Variants in SLC1A1 observed in about 807,000 individuals in gnomAD.
The protein encoded by SLC1A1 is excitatory amino acid transporter 3.
Under a neutral mutation model 53.3 loss-of-function variants are expected in SLC1A1, and 43 were observed. The ratio of observed to expected loss-of-function variants is 0.81; its 90% CI spans 0.63 to 1.04. The LOEUF is 1.04. Among genes scored for constraint, SLC1A1 ranks in the 50% least tolerant of loss-of-function variants. SLC1A1 has a pLI of 0.00. For synonymous variants in SLC1A1, 307 were observed against 243.2 expected (o/e 1.26, Z -2.44); for missense variants, 748 against 664.9 (o/e 1.12, Z -1.37).
chr9:4,498,452 A>T (rs78075514), intron 1 of SLC1A1, among the ~76,000 whole-genome samples: 1,960 of 152,260 alleles, frequency 0.013, 33 homozygotes, highest in African/African-American at 0.043. Flanking sequence ...ATAAAATAAT[A>T]GTTTCTTCAA....
chr9:4,507,142 G>C (rs560195634), intron 1 of SLC1A1, among the ~76,000 whole-genome samples: 1 of 152,258 alleles, frequency 6.6e-6, no homozygotes, highest in East Asian at 1.9e-4. Flanking sequence ...GTTGAGGCAG[G>C]AGAATGGCGT....
chr9:4,497,907 T>C (rs1820493272), intron 1 of SLC1A1, among the ~76,000 whole-genome samples: 1 of 152,248 alleles, frequency 6.6e-6, no homozygotes, highest in Non-Finnish European at 1.5e-5. Context: ...GCAAAGAAGA[T>C]TCTATTCATG....
At chr9:4,514,884 A>G (rs1821112657) in intron 1 of SLC1A1, among the ~76,000 whole-genome samples, 1 of 152,162 alleles carries the variant, frequency 6.6e-6, no homozygotes, top group African/African-American at 2.4e-5. Flanking sequence ...ACAGTGTCAG[A>G]GGCCATCACT....
Position 4,566,029 on chromosome 9 carries a change from C to T in SLC1A1, c.441-18C>T. 6.2e-7 allele frequency: 1 copy of T among 1,605,664 alleles called. No homozygotes were observed. The highest frequency in any genetic ancestry group is 1.1e-5 in the South Asian group (1 of 90,908). On this transcript the variant is annotated intron_variant, in intron 4 of 11. Coordinates refer to ENST00000262352, the MANE Select transcript of SLC1A1 (RefSeq NM_004170.6). Reference sequence around the variant, plus strand: ...ACTTTTTGCCCTAACATAATACTGCCTTTTATGTCTCCAACAGGAATATGT... The same window carrying T: ...ACTTTTTGCCCTAACATAATACTGCTTTTTATGTCTCCAACAGGAATATGT...
chr9:4,518,773 G>T (rs975830833), intron 1 of SLC1A1, among the ~76,000 whole-genome samples: 2 of 152,330 alleles, frequency 1.3e-5, no homozygotes, highest in Middle Eastern at 3.4e-3. Context: ...TCCACTCCCT[G>T]AGGGGAGAGG....
intron 1 of SLC1A1, among the ~76,000 whole-genome samples, chr9:4,500,159 G>A (rs1378212066): frequency 2.0e-5 from 3 of 152,162 alleles, no homozygotes; most frequent in Non-Finnish European, 4.4e-5. Flanking sequence ...CAAATTTCCC[G>A]TGTCGCTGGA....
At chr9:4,569,194 T>C (rs557624573) in intron 6 of SLC1A1, among the ~76,000 whole-genome samples, 3 of 152,320 alleles carry the variant, frequency 2.0e-5, no homozygotes, top group African/African-American at 7.2e-5. Flanking sequence ...AGGCCCACAA[T>C]TCCTAGTCTG....
At chr9:4,524,644 CTT>C (rs1295916874) in intron 1 of SLC1A1, among the ~76,000 whole-genome samples, 1 of 152,174 alleles carries the variant, frequency 6.6e-6, no homozygotes, top group African/African-American at 2.4e-5. Flanking sequence ...CTGGTGAAGA[CTT>C]TCGAGCTGCA....
At chr9:4,565,223 A>G (rs942677773) in intron 4 of SLC1A1, among the ~76,000 whole-genome samples, 5 of 152,234 alleles carry the variant, frequency 3.3e-5, no homozygotes, top group African/African-American at 1.2e-4. Flanking sequence ...TATAGAAACC[A>G]TACCTTCTTT....
chr9:4,494,072 T>C (rs1820327790), intron 1 of SLC1A1, among the ~76,000 whole-genome samples: 1 of 152,234 alleles, frequency 6.6e-6, no homozygotes, highest in African/African-American at 2.4e-5. Flanking sequence ...TATCTTGGAT[T>C]TTCACAGGAA....
At chr9:4,575,652 G>A (rs553901840) in intron 8 of SLC1A1, among the ~76,000 whole-genome samples, 6 of 152,286 alleles carry the variant, frequency 3.9e-5, no homozygotes, top group Non-Finnish European at 5.9e-5. Context: ...AGTCTTAAGA[G>A]GAGAAGAACT....
chr9:4,583,196 C>A lies in SLC1A1; in HGVS notation c.1328+24C>A. 1 of 1,614,150 alleles carries A rather than the reference C, an allele frequency of 6.2e-7. No homozygotes were observed. The highest frequency in any genetic ancestry group is 1.3e-5 in the African/African-American group (1 of 75,054). ...CTGTGAGTTGGAATAAATGCACTGC[C>A]TTAGCTGGATGTGCAGGCGGGCTTC... On this transcript the variant is annotated intron_variant, in intron 11 of 11. Coordinates refer to ENST00000262352, the MANE Select transcript of SLC1A1 (RefSeq NM_004170.6). This position sits in a 1 kb window ranked among gnomAD's most constrained non-coding sequence, Gnocchi z 4.6.
At chr9:4,500,100 G>A (rs535353554) in intron 1 of SLC1A1, among the ~76,000 whole-genome samples, 2 of 152,242 alleles carry the variant, frequency 1.3e-5, no homozygotes, top group Non-Finnish European at 2.9e-5. Context: ...TAGGGAGTCC[G>A]TGACACACTG....
intron 3 of SLC1A1, among the ~76,000 whole-genome samples, chr9:4,563,548 G>A (rs183172131): frequency 6.6e-6 from 1 of 152,128 alleles, no homozygotes; most frequent in Non-Finnish European, 1.5e-5. Flanking sequence ...CTACCCCCTG[G>A]ATTACCATTG....
In SLC1A1 at chr9:4,490,784, C is replaced by T; in HGVS notation, c.91+14C>T. ...CGGTGGTGCTAGGTGAGCGGCGCGGCGGGTGGGCGATGCGCGCACCCTCAC... is the reference window on the plus strand; with the variant it reads ...CGGTGGTGCTAGGTGAGCGGCGCGGTGGGTGGGCGATGCGCGCACCCTCAC... On this transcript the variant is annotated intron_variant, in intron 1 of 11. Coordinates refer to ENST00000262352, the MANE Select transcript of SLC1A1 (RefSeq NM_004170.6). 1 of 1,605,896 alleles carries T rather than the reference C, an allele frequency of 6.2e-7. No homozygotes were observed. The highest frequency in any genetic ancestry group is 1.1e-5 in the South Asian group (1 of 90,704).
At chr9:4,496,457 C>T (rs1226599116) in intron 1 of SLC1A1, among the ~76,000 whole-genome samples, 1 of 152,046 alleles carries the variant, frequency 6.6e-6, no homozygotes, top group Non-Finnish European at 1.5e-5. Flanking sequence ...TGGCTTCAAG[C>T]TGTCCTCCTG....
intron 1 of SLC1A1, among the ~76,000 whole-genome samples, chr9:4,495,273 C>T (rs1261001987): frequency 2.0e-5 from 3 of 152,152 alleles, no homozygotes; most frequent in Non-Finnish European, 4.4e-5. Context: ...TTAGGAATAT[C>T]CCTGTAATAA....
chr9:4,564,399 T>C lies in SLC1A1; in HGVS notation c.381T>C (p.Ile127=), dbSNP rs1427120604. 1 of 1,613,926 alleles carries C rather than the reference T, an allele frequency of 6.2e-7. No individual in the cohort carries two copies. Among genetic ancestry groups the C allele is most frequent in the South Asian group, 1.1e-5 (1 of 90,990 alleles). ...GTGTCACCCAGAAAGTGGGTGAAAT[T>C]GCGAGGACAGGCAGCACCCCTGAAG... is the stretch of plus-strand genomic sequence containing the variant. ...KPGVTQKVGE[I]ARTGSTPEVS... Residue 127 remains isoleucine (I), a synonymous_variant, in exon 4 of 12, where the codon ATT becomes ATC. Transcript: ENST00000262352.
intron 1 of SLC1A1, among the ~76,000 whole-genome samples, chr9:4,537,869 G>A (rs1421187692): frequency 6.6e-6 from 1 of 151,982 alleles, no homozygotes; most frequent in African/African-American, 2.4e-5. Context: ...AACATTGTAT[G>A]TTAAAAACCA....
Sources: allele counts gnomAD v4.1 joint callset (sites outside exome capture counted in the v4.1 genomes callset), GRCh38; gene constraint gnomAD v4.1.1; non-coding constraint Gnocchi (gnomAD v3.1); transcripts MANE v1.5; gene names NCBI Gene and HGNC (gene_info 2026-07-23, HGNC 2026-07-21).